CRKL: variants seen among roughly 807,000 people sequenced by gnomAD.
CRKL encodes crk-like protein.
A neutral mutation model predicts 23.0 loss-of-function variants in CRKL; 3 were observed. The ratio of observed to expected loss-of-function variants is 0.13; its 90% CI spans 0.06 to 0.34. The LOEUF (loss-of-function observed/expected upper bound fraction) is 0.34. Ranked by LOEUF, CRKL falls within the 10% of genes least tolerant of loss-of-function variation. CRKL has a pLI of 1.00. For synonymous variants in CRKL, 188 were observed against 160.7 expected (o/e 1.17, Z -1.28); for missense variants, 256 against 394.5 (o/e 0.65, Z 2.97).
intron 2 of CRKL, among the ~76,000 whole-genome samples, chr22:20,948,637 C>G (rs2266953): frequency 6.6e-6 from 1 of 151,952 alleles, no homozygotes; most frequent in Non-Finnish European, 1.5e-5. Flanking sequence ...GTTCATGGCA[C>G]GGACCATTGG....
intron 2 of CRKL, among the ~76,000 whole-genome samples, chr22:20,936,987 A>G (rs1921684071): frequency 6.6e-6 from 1 of 152,022 alleles, no homozygotes; most frequent in Non-Finnish European, 1.5e-5. Flanking sequence ...CAGCCTCTCA[A>G]GTAGCTGGGA....
intron 1 of CRKL, among the ~76,000 whole-genome samples, chr22:20,921,252 A>G (rs1920989632): frequency 6.6e-6 from 1 of 152,222 alleles, no homozygotes; most frequent in South Asian, 2.1e-4. Context: ...TGCATAGCTA[A>G]AATTTGTAAC....
At chr22:20,940,157 G>T (rs1921818909) in intron 2 of CRKL, among the ~76,000 whole-genome samples, 2 of 152,030 alleles carry the variant, frequency 1.3e-5, no homozygotes, top group Admixed American at 1.3e-4. Context: ...CCTAACTGCA[G>T]GTTTTGTAAA....
chr22:20,933,292 C>T (rs1334212047), intron 1 of CRKL, among the ~76,000 whole-genome samples: 1 of 151,826 alleles, frequency 6.6e-6, no homozygotes, highest in Non-Finnish European at 1.5e-5. Context: ...ATTGCTTGAA[C>T]TTGGGATGCA....
chr22:20,942,353 C>T (rs771911340), intron 2 of CRKL, among the ~76,000 whole-genome samples: 7 of 152,144 alleles, frequency 4.6e-5, no homozygotes, highest in Non-Finnish European at 1.0e-4. Context: ...TTGAGACCAG[C>T]CTGGGCAACA....
intron 1 of CRKL, among the ~76,000 whole-genome samples, chr22:20,926,495 A>G (rs1228509391): frequency 6.6e-6 from 1 of 152,076 alleles, no homozygotes; most frequent in Non-Finnish European, 1.5e-5. Flanking sequence ...GAGACAAGAG[A>G]AAGGGATTAG....
intron 2 of CRKL, among the ~76,000 whole-genome samples, chr22:20,936,917 T>C (rs1163980644): frequency 6.6e-6 from 1 of 151,370 alleles, no homozygotes; most frequent in East Asian, 2.0e-4. Context: ...TGGAGTGCAG[T>C]TGATAGAATC....
chr22:20,928,468 C>A (rs6004944), intron 1 of CRKL, among the ~76,000 whole-genome samples: 125,463 of 151,798 alleles, frequency 0.83, 51,933 homozygotes, highest in East Asian at 0.92. Context: ...AAAAAATTTA[C>A]AAAACAAGCC....
At chr22:20,942,391 T>G (rs1921912588) in intron 2 of CRKL, among the ~76,000 whole-genome samples, 1 of 152,178 alleles carries the variant, frequency 6.6e-6, no homozygotes, top group African/African-American at 2.4e-5. Context: ...TACAGGAAAT[T>G]ATGATAAAGA....
At chr22:20,947,231 GTCTC>G (rs1209708090) in intron 2 of CRKL, among the ~76,000 whole-genome samples, 26 of 147,268 alleles carry the variant, frequency 1.8e-4, no homozygotes, top group Non-Finnish European at 3.0e-4. Flanking sequence ...TGTGTTTTCT[GTCTC>G]TCTCTCTTTT....
At chr22:20,945,792 G>A (rs921859623) in intron 2 of CRKL, among the ~76,000 whole-genome samples, 1 of 152,032 alleles carries the variant, frequency 6.6e-6, no homozygotes, top group African/African-American at 2.4e-5. Flanking sequence ...AGGGCCAGGG[G>A]TGTTTGTCTC....
chr22:20,932,054 G>A (rs137976776), intron 1 of CRKL, among the ~76,000 whole-genome samples: 9,502 of 151,806 alleles, frequency 0.063, 354 homozygotes, highest in Middle Eastern at 0.12. Flanking sequence ...CTCATGATCC[G>A]CCCACCTCAG....
intron 2 of CRKL, among the ~76,000 whole-genome samples, chr22:20,937,817 A>G (rs1333514752): frequency 6.6e-6 from 1 of 152,046 alleles, no homozygotes; most frequent in Non-Finnish European, 1.5e-5. Flanking sequence ...ACCAAATTCC[A>G]TTTAGTGGTA....
intron 2 of CRKL, among the ~76,000 whole-genome samples, chr22:20,939,233 CTTTTTTTT>C (rs140538861): frequency 1.3e-5 from 1 of 75,144 alleles, no homozygotes; most frequent in Middle Eastern, 9.4e-3. Flanking sequence ...ACATAAGTTG[CTTTTTTTT>C]TTTTTTTTTT....
intron 2 of CRKL, among the ~76,000 whole-genome samples, chr22:20,939,963 T>A (rs1222524750): frequency 2.6e-5 from 4 of 151,988 alleles, no homozygotes; most frequent in Non-Finnish European, 4.4e-5. Flanking sequence ...CTAATTTTTT[T>A]ATTTTTAGTA....
intron 2 of CRKL, among the ~76,000 whole-genome samples, chr22:20,946,723 C>A (rs1405579241): frequency 5.7e-5 from 5 of 87,528 alleles, no homozygotes; most frequent in Admixed American, 1.3e-4. Context: ...CCCCTCCCTC[C>A]AAAAAAAAAA....
In CRKL at chr22:20,950,150, C is replaced by T. The variant is rs1166884063; in HGVS notation, c.*305C>T. 2.0e-5 allele frequency: 7 copies of T among 357,204 alleles called. No individual in the cohort carries two copies. Among genetic ancestry groups the T allele is most frequent in the Admixed American group, 1.5e-4 (3 of 20,042 alleles). The allele number at this position is 357,204 out of a possible 1,614,324, so 22.1% of individuals were successfully genotyped here. A position where few individuals can be genotyped will look rare whatever the true frequency, so the allele number is the denominator to read the frequency against. On this transcript the variant is annotated 3_prime_UTR_variant, in exon 3 of 3. Coordinates refer to ENST00000354336, the MANE Select transcript of CRKL (RefSeq NM_005207.4). Reference sequence around the variant, plus strand: ...AAGGGTCTTCCTTCTCATTGCTGCCCGTTTGTACATGGGACTGATTCTGTT... The same window carrying T: ...AAGGGTCTTCCTTCTCATTGCTGCCTGTTTGTACATGGGACTGATTCTGTT...
intron 2 of CRKL, 114 bp downstream of exon 2, chr22:20,934,358 G>C (rs1389851071): frequency 2.2e-6 from 2 of 923,074 alleles, no homozygotes; most frequent in Admixed American, 2.9e-5. Context: ...AGCACTGGAT[G>C]ATTTTGGAAG....
intron 1 of CRKL, among the ~76,000 whole-genome samples, chr22:20,922,821 C>T (rs748820464): frequency 1.6e-4 from 24 of 152,138 alleles, no homozygotes; most frequent in Non-Finnish European, 2.4e-4. Flanking sequence ...TACAGGCATG[C>T]ACTGCCACAC....
Sources: allele counts gnomAD v4.1 joint callset (sites outside exome capture counted in the v4.1 genomes callset), GRCh38; gene constraint gnomAD v4.1.1; transcripts MANE v1.5; gene names NCBI Gene and HGNC (gene_info 2026-07-23, HGNC 2026-07-21).